Variants in DST observed in about 807,000 individuals in gnomAD.
DST encodes bullous pemphigoid antigen.
A neutral mutation model predicts 875.2 loss-of-function variants in DST; 253 were observed. The observed-to-expected ratio is 0.29, with a 90% CI of 0.26 to 0.32. The LOEUF (loss-of-function observed/expected upper bound fraction) is 0.32, where lower values mean the gene tolerates loss of function less well. Ranked by LOEUF, DST falls within the 10% of genes least tolerant of loss-of-function variation. The pLI is 1.00. For missense variants in DST, 8,287 were observed against 9,111.6 expected, an observed-to-expected ratio of 0.91 and a Z score of 3.68; for synonymous variants, 3,124 against 3,197.1, an observed-to-expected ratio of 0.98 and a Z score of 0.77.
intron 13 of DST, among the ~76,000 whole-genome samples, 158 bp downstream of exon 13, chr6:56,648,412 T>G (rs1382113379): frequency 6.6e-6 from 1 of 152,258 alleles, no homozygotes; most frequent in Non-Finnish European, 1.5e-5. Flanking sequence ...CCATTTTCTC[T>G]GTATAATAAG....
chr6:56,724,924 C>A (rs1028845191), intron 5 of DST, among the ~76,000 whole-genome samples: 1 of 152,104 alleles, frequency 6.6e-6, no homozygotes, highest in Non-Finnish European at 1.5e-5. Context: ...AGCTTTTTGA[C>A]AATCTTAAGG....
chr6:56,735,324 G>C, intron 4 of DST, 35 bp from the exon 5 acceptor site: 1 of 1,260,306 alleles, frequency 7.9e-7, no homozygotes, highest in Non-Finnish European at 1.1e-6. Context: ...GATAAGGTTG[G>C]TAAAATCTAT....
chr6:56,660,613 C>CAAAAAAAAAAAAAAAA (rs34162063), intron 10 of DST, among the ~76,000 whole-genome samples: 1 of 89,088 alleles, frequency 1.1e-5, no homozygotes, highest in Non-Finnish European at 2.3e-5. Context: ...TTGCAATCAC[C>CAAAAAAAAAAAAAAAA]AAAAAAAAAA....
chr6:56,777,062 T>C (rs1198854809), intron 4 of DST, among the ~76,000 whole-genome samples: 1 of 151,278 alleles, frequency 6.6e-6, no homozygotes, highest in Non-Finnish European at 1.5e-5. Context: ...AAATTAAGAA[T>C]GAATACTGCT....
At chr6:56,629,595 TTC>T (rs2098760583) in intron 31 of DST, 152 bp from the exon 32 acceptor site, 1 of 646,202 alleles carries the variant, frequency 1.5e-6, no homozygotes, top group Non-Finnish European at 2.6e-6. Context: ...ATTATATTAG[TTC>T]AAACCTTATG....
intron 2 of DST, among the ~76,000 whole-genome samples, chr6:56,944,928 T>C (rs73463753): frequency 1.4e-3 from 218 of 152,310 alleles, no homozygotes; most frequent in African/African-American, 5.1e-3. Context: ...TAACCATGGC[T>C]GGCTCTGCCC....
At chr6:56,893,201 C>T (rs1024583109) in intron 3 of DST, among the ~76,000 whole-genome samples, 5 of 152,260 alleles carry the variant, frequency 3.3e-5, no homozygotes, top group Middle Eastern at 3.4e-3. Context: ...ATCATTCTTA[C>T]GACTTTGAGT....
At chr6:56,563,320 C>T (rs567196800) in intron 55 of DST, among the ~76,000 whole-genome samples, 6 of 152,292 alleles carry the variant, frequency 3.9e-5, no homozygotes, top group South Asian at 2.1e-4. Flanking sequence ...TTTTGATCTG[C>T]GTTTCTCTAA....
chr6:56,738,045 A>G (rs566363092), intron 4 of DST, among the ~76,000 whole-genome samples: 16 of 152,314 alleles, frequency 1.1e-4, no homozygotes, highest in African/African-American at 3.8e-4. Flanking sequence ...TTTAATGCCA[A>G]TAAGAATGGG....
intron 4 of DST, among the ~76,000 whole-genome samples, chr6:56,839,724 A>C (rs2099797738): frequency 6.6e-6 from 1 of 152,206 alleles, no homozygotes; most frequent in African/African-American, 2.4e-5. Flanking sequence ...ATAAACCCGA[A>C]CTGAAAATGA....
chr6:56,612,346 G>A (rs2098552555), intron 37 of DST, among the ~76,000 whole-genome samples: 1 of 152,154 alleles, frequency 6.6e-6, no homozygotes, highest in African/African-American at 2.4e-5. Flanking sequence ...TCCCACATGG[G>A]CGACAGAGTA....
intron 37 of DST, among the ~76,000 whole-genome samples, chr6:56,613,472 T>C (rs930877849): frequency 5.9e-5 from 9 of 152,194 alleles, no homozygotes; most frequent in Non-Finnish European, 1.3e-4. Flanking sequence ...TTTTAATAGA[T>C]GACAAGTGAG....
chr6:56,501,360 AATC>A, intron 79 of DST, 125 bp from the exon 80 acceptor site: 1 of 1,173,534 alleles, frequency 8.5e-7, no homozygotes, highest in African/African-American at 1.6e-5. Context: ...AGTGAAGCCT[AATC>A]ATCATATCCT....
At chr6:56,798,938 T>C (rs1455425803) in intron 4 of DST, among the ~76,000 whole-genome samples, 1 of 152,140 alleles carries the variant, frequency 6.6e-6, no homozygotes, top group Non-Finnish European at 1.5e-5. Flanking sequence ...GCAAGAGAAT[T>C]AGAAGTGAAG....
chr6:56,554,073 CTT>C (rs555704557), intron 60 of DST, among the ~76,000 whole-genome samples: 98 of 80,782 alleles, frequency 1.2e-3, no homozygotes, highest in African/African-American at 4.8e-3. Flanking sequence ...GCGTCTATGA[CTT>C]TTTTTTTTTT....
chr6:56,526,613 A>G (rs2096801346), intron 68 of DST, 46 bp from the exon 69 acceptor site: 1 of 1,564,868 alleles, frequency 6.4e-7, no homozygotes, highest in South Asian at 1.2e-5. Context: ...GCTTCAACAG[A>G]CTTTTCCTTT....
chr6:56,818,314 G>T (rs757610774), intron 4 of DST, among the ~76,000 whole-genome samples: 2 of 152,066 alleles, frequency 1.3e-5, no homozygotes, highest in Non-Finnish European at 2.9e-5. Context: ...GGGAAAGCAG[G>T]GGGGGAACTA....
intron 78 of DST, 91 bp downstream of exon 78, chr6:56,503,906 C>T (rs2096229317): frequency 1.2e-6 from 1 of 829,650 alleles, no homozygotes. Context: ...GTCATACTTA[C>T]ATTAGGTAAA....
chr6:56,608,181 A>G lies in DST; in HGVS notation c.6447T>C (p.Asp2149=). The G allele has an allele frequency of 6.2e-7, 1 of 1,613,724 alleles. No individual in the cohort carries two copies. The highest frequency in any genetic ancestry group is 8.5e-7 in the Non-Finnish European group (1 of 1,179,734). ...TTTTACAAGCTTCTAAATCTCCTAAATCTGGCATTTTATCAGGCAGTGTTA... is the reference window on the plus strand; with the variant it reads ...TTTTACAAGCTTCTAAATCTCCTAAGTCTGGCATTTTATCAGGCAGTGTTA... ...KNITLPDKMP[D]LGDLEACKNA... Residue 2149 remains aspartate (D), a synonymous_variant, in exon 40 of 104, where the codon GAT becomes GAC. Transcript: ENST00000680361.
Sources: gnomAD v4.1 joint callset for allele counts (sites outside exome capture counted in the v4.1 genomes callset) on GRCh38, gnomAD v4.1.1 for gene constraint, MANE v1.5 for transcripts, NCBI Gene and HGNC (gene_info 2026-07-23, HGNC 2026-07-21) for gene names.